The following INPP4B variants were observed in gnomAD, a reference collection of about 807,000 sequenced individuals.
INPP4B encodes the protein inositol polyphosphate-4-phosphatase type II B.
In INPP4B, 55 loss-of-function variants were observed where a neutral mutation model predicts 122.5. That is an observed-to-expected ratio of 0.45 (90% CI 0.36 to 0.56). The LOEUF is 0.56. INPP4B is among the 20% of genes least tolerant of loss of function. The pLI is 0.00. For synonymous variants in INPP4B, 403 were observed against 388.7 expected (o/e 1.04, Z -0.43); for missense variants, 1,000 against 1,097.7 (o/e 0.91, Z 1.26).
intron 2 of INPP4B, among the ~76,000 whole-genome samples, chr4:142,667,773 C>T (rs778080793): frequency 3.3e-5 from 5 of 152,008 alleles, no homozygotes; most frequent in Non-Finnish European, 5.9e-5. Flanking sequence ...GGAGGCCTCA[C>T]AGTAGATGAT....
chr4:142,035,866 C>T (rs1743548352), intron 25 of INPP4B, among the ~76,000 whole-genome samples: 1 of 152,130 alleles, frequency 6.6e-6, no homozygotes, highest in Admixed American at 6.5e-5. Context: ...ATAGAACATG[C>T]ATGCAGGCAT....
intron 7 of INPP4B, among the ~76,000 whole-genome samples, chr4:142,355,212 C>T (rs1783183526): frequency 1.3e-5 from 2 of 151,992 alleles, no homozygotes; most frequent in Admixed American, 1.3e-4. Context: ...TCTATCAAAG[C>T]AAGTCACAAG....
intron 1 of INPP4B, among the ~76,000 whole-genome samples, chr4:142,803,649 T>TAA (rs34262906): frequency 0.19 from 26,271 of 137,930 alleles, 2,509 homozygotes; most frequent in South Asian, 0.31. Flanking sequence ...CAATAAAACT[T>TAA]AAAAAAAAAA....
chr4:142,263,358 TA>T (rs1192821876), intron 10 of INPP4B, among the ~76,000 whole-genome samples: 1 of 152,150 alleles, frequency 6.6e-6, no homozygotes, highest in Non-Finnish European at 1.5e-5. Flanking sequence ...TAAGTTTCTT[TA>T]TTTTTCTTCC....
intron 14 of INPP4B, 55 bp from the exon 15 acceptor site, chr4:142,193,250 T>C: frequency 9.7e-7 from 1 of 1,035,434 alleles, no homozygotes; most frequent in Non-Finnish European, 1.5e-6. Context: ...ATCTCCGTCA[T>C]GCTGTTTGCA....
At chr4:142,175,455 G>A (rs1023411183) in intron 15 of INPP4B, among the ~76,000 whole-genome samples, 3 of 151,988 alleles carry the variant, frequency 2.0e-5, no homozygotes, top group Admixed American at 2.0e-4. Context: ...TGAGGCTTGG[G>A]CCATTCAGAA....
At chr4:142,231,481 G>A (rs978141451) in intron 12 of INPP4B, among the ~76,000 whole-genome samples, 2 of 152,028 alleles carry the variant, frequency 1.3e-5, no homozygotes, top group Admixed American at 6.5e-5. Context: ...TTTCATTCTC[G>A]CTGATTTAAA....
chr4:142,106,966 CTTTT>C (rs200755604), intron 23 of INPP4B, among the ~76,000 whole-genome samples: 1 of 151,746 alleles, frequency 6.6e-6, no homozygotes, highest in African/African-American at 2.4e-5. Context: ...ATAATAAACT[CTTTT>C]TTTTCATTAA....
At chr4:142,396,727 A>G (rs1040887382) in intron 7 of INPP4B, among the ~76,000 whole-genome samples, 4 of 152,166 alleles carry the variant, frequency 2.6e-5, no homozygotes, top group Non-Finnish European at 5.9e-5. Context: ...TAAGAAAGTA[A>G]ATGAACAAAT....
chr4:142,784,717 G>C (rs912946785), intron 1 of INPP4B, among the ~76,000 whole-genome samples: 2 of 151,942 alleles, frequency 1.3e-5, no homozygotes, highest in African/African-American at 4.8e-5. Context: ...GTAAAGATCT[G>C]AGAAAAATGT....
chr4:142,697,604 C>T (rs1456548212), intron 2 of INPP4B, among the ~76,000 whole-genome samples: 1 of 152,098 alleles, frequency 6.6e-6, no homozygotes, highest in African/African-American at 2.4e-5. Context: ...ACGATAGGAA[C>T]TTATTTGCTT....
intron 7 of INPP4B, among the ~76,000 whole-genome samples, chr4:142,344,266 G>A (rs943649580): frequency 6.6e-6 from 1 of 151,960 alleles, no homozygotes; most frequent in African/African-American, 2.4e-5. Context: ...CCAGATGCAG[G>A]CTGTTAAACA....
intron 15 of INPP4B, among the ~76,000 whole-genome samples, chr4:142,180,265 A>C (rs74941944): frequency 6.6e-6 from 1 of 152,278 alleles, no homozygotes; most frequent in East Asian, 1.9e-4. Context: ...TTTAGAAAAA[A>C]CAAATCTTTC....
intron 12 of INPP4B, among the ~76,000 whole-genome samples, chr4:142,230,539 G>A (rs1286387487): frequency 6.6e-6 from 1 of 151,052 alleles, no homozygotes; most frequent in African/African-American, 2.4e-5. Flanking sequence ...CGGCTACTTG[G>A]AGGTTGAGGT....
At chr4:142,609,736 C>A (rs573743806) in intron 2 of INPP4B, among the ~76,000 whole-genome samples, 10 of 152,206 alleles carry the variant, frequency 6.6e-5, no homozygotes, top group Non-Finnish European at 1.2e-4. Context: ...TCTAATTTCA[C>A]ACATACTCAT....
At chr4:142,439,433 C>G (rs1215148241) in intron 3 of INPP4B, among the ~76,000 whole-genome samples, 1 of 152,178 alleles carries the variant, frequency 6.6e-6, no homozygotes, top group Non-Finnish European at 1.5e-5. Context: ...ATCTTGGCAT[C>G]TGTTTCTGAA....
chr4:142,331,585 A>G (rs775301775), intron 7 of INPP4B, among the ~76,000 whole-genome samples: 1 of 152,240 alleles, frequency 6.6e-6, no homozygotes, highest in Non-Finnish European at 1.5e-5. Flanking sequence ...ATTAGGCTTC[A>G]GCTTAATAGA....
In INPP4B at chr4:142,569,848, C is replaced by T. The variant is rs539898284; in HGVS notation, c.-190-107122G>A. Among the ~76,000 whole-genome samples, 7 of 152,202 alleles carry T rather than the reference C, an allele frequency of 4.6e-5. No individual in the cohort carries two copies. The South Asian group carries it at 8.3e-4, about 18-fold the overall frequency. On this transcript the variant is annotated intron_variant, in intron 2 of 25. Transcript: ENST00000262992. ...TGACAAAGAATACAGTGATTAGATA[C>T]ATTAAAAATTCATATATTTAACAAA...
At chr4:142,655,521 CT>C (rs1246295200) in intron 2 of INPP4B, among the ~76,000 whole-genome samples, 1 of 152,150 alleles carries the variant, frequency 6.6e-6, no homozygotes, top group East Asian at 1.9e-4. Context: ...ATGTTAAGTG[CT>C]TTTCAGGCAC....
Sources: allele counts gnomAD v4.1 joint callset (sites outside exome capture counted in the v4.1 genomes callset), GRCh38; gene constraint gnomAD v4.1.1; transcripts MANE v1.5; gene names NCBI Gene and HGNC (gene_info 2026-07-23, HGNC 2026-07-21).